Variants in NRP2 observed in about 807,000 individuals in gnomAD.
NRP2 encodes the protein neuropilin 2, also known as neuropilin-2.
NRP2 carries 52 observed loss-of-function variants against 110.4 expected under a neutral mutation model. The ratio of observed to expected loss-of-function variants is 0.47; its 90% CI spans 0.38 to 0.59. The LOEUF is 0.59. Among genes scored for constraint, NRP2 ranks in the 20% least tolerant of loss-of-function variants. The probability of loss-of-function intolerance (pLI) is 0.00; values close to 1 mark genes in which losing one functional copy is unlikely to be tolerated. For synonymous variants in NRP2, 508 were observed against 468.9 expected (o/e 1.08, Z -1.08); for missense variants, 1,049 against 1,203.0 (o/e 0.87, Z 1.89).
intron 11 of NRP2, chr2:205,752,557 G>A (rs1007654613): frequency 4.8e-5 from 22 of 456,470 alleles, no homozygotes; most frequent in Non-Finnish European, 8.5e-5. Context: ...GTGGACAGAA[G>A]AGGCTGATTA....
chr2:205,727,058 G>A (rs770719411), intron 6 of NRP2, among the ~76,000 whole-genome samples: 14 of 152,118 alleles, frequency 9.2e-5, no homozygotes, highest in African/African-American at 9.7e-5. Context: ...ATATACTTTC[G>A]CCTATTGCTA....
At chr2:205,766,648 G>C (rs1278561297) in intron 14 of NRP2, 135 bp from the exon 15 acceptor site, 1 of 757,174 alleles carries the variant, frequency 1.3e-6, no homozygotes, top group African/African-American at 1.7e-5. Context: ...AAGATGGGGG[G>C]CCCTCTCCAT....
rs548328240 is a variant in NRP2 at position 205,770,487 on chromosome 2, C to G, written c.2425+3684C>G. Among the ~76,000 whole-genome samples, 4 of 152,072 alleles carry G rather than the reference C, an allele frequency of 2.6e-5. No individual in the cohort carries two copies. The South Asian group carries it at 8.3e-4, about 32-fold the overall frequency. On this transcript the variant is annotated intron_variant, in intron 15 of 16. Transcript: ENST00000357785. Reference sequence around the variant, plus strand: ...GGCCAATCTCTGCATTTTGCACCCCCTTCTCTCCTTTCCCATTCCCACCCT... The same window carrying G: ...GGCCAATCTCTGCATTTTGCACCCCGTTCTCTCCTTTCCCATTCCCACCCT...
intron 2 of NRP2, among the ~76,000 whole-genome samples, chr2:205,710,502 G>C (rs2056774813): frequency 6.6e-6 from 1 of 152,168 alleles, no homozygotes; most frequent in Non-Finnish European, 1.5e-5. Context: ...TTAGTAAATG[G>C]GTGGTACAGA....
chr2:205,743,228 G>A lies in NRP2; in HGVS notation c.1317G>A (p.Gly439=), dbSNP rs1182353325. The stretch of plus-strand genomic sequence containing the variant: ...ATGCTCCCTGCTCCAACATGCTGGG[G>A]ATGCTCTCAGGCCTCATTGCAGACT... ...VTDAPCSNML[G]MLSGLIADSQ... Residue 439 remains glycine, a synonymous_variant, in exon 9 of 17, where the codon GGG becomes GGA. Coordinates refer to ENST00000357785, the MANE Select transcript of NRP2 (RefSeq NM_003872.3). 1 of 1,613,444 alleles carries A rather than the reference G, an allele frequency of 6.2e-7. No individual in the cohort carries two copies. The highest frequency in any genetic ancestry group is 2.2e-5 in the East Asian group (1 of 44,888).
At chr2:205,746,026 T>C in intron 10 of NRP2, 136 bp downstream of exon 10, 1 of 971,636 alleles carries the variant, frequency 1.0e-6, no homozygotes, top group Non-Finnish European at 1.6e-6. Flanking sequence ...TGCCATGTTC[T>C]CCTGCCTCAG....
rs1185774827 is a variant in NRP2, at chr2:205,749,853, T to C, written c.1903+12T>C. 10 of 1,603,316 alleles carry C rather than the reference T, an allele frequency of 6.2e-6. No homozygotes were observed. The highest frequency in any genetic ancestry group is 7.7e-6 in the Non-Finnish European group (9 of 1,170,730). On this transcript the variant is annotated intron_variant, in intron 11 of 16. Transcript: ENST00000357785. ...CAGCTTTGAGGATGGTAAGCACAAA[T>C]TGCCTCCAGATGGCATGGGTGCGGA...
chr2:205,753,029 T>A lies in NRP2; in HGVS notation c.2044+54T>A, dbSNP rs1408372941. On this transcript the variant is annotated intron_variant, in intron 12 of 16. Transcript: ENST00000357785. The stretch of plus-strand genomic sequence containing the variant: ...AGAGTTAAGGCCAGCTTGTTCCACA[T>A]ACTTCAACCCCAGATTCCCTTACAA... 8 of 1,606,964 alleles carry A rather than the reference T, an allele frequency of 5.0e-6. No individual in the cohort carries two copies. In the South Asian group the frequency reaches 6.6e-5, roughly 13 times the overall value.
intron 3 of NRP2, 198 bp from the exon 4 acceptor site, chr2:205,722,280 C>T (rs916305014): frequency 5.5e-5 from 33 of 604,368 alleles, no homozygotes; most frequent in Non-Finnish European, 8.9e-5. Flanking sequence ...TTATGTAGAG[C>T]AAGCCAGCTG....
Position 205,738,380 on chromosome 2 carries a change from CCAAAACAAAACAAAGCAAAG to C in NRP2, c.1147-2124_1147-2105del, listed in dbSNP as rs1377327189. On this transcript the variant is annotated intron_variant, in intron 7 of 16. Transcript: ENST00000357785. ...AAGTGCTGCATTTGCTTCTTCCTTT[CCAAAACAAAACAAAGCAAAG>C]CAAAACAAAACAAAACAGAAAGCCT... 7.9e-5 allele frequency among the ~76,000 whole-genome samples: 12 copies of C among 152,180 alleles called. No individual in the cohort carries two copies. The South Asian group carries it at 1.4e-3, about 18-fold the overall frequency.
At chr2:205,735,877 C>G (rs1347335281) in intron 7 of NRP2, among the ~76,000 whole-genome samples, 1 of 152,188 alleles carries the variant, frequency 6.6e-6, no homozygotes, top group Non-Finnish European at 1.5e-5. Flanking sequence ...CAGAGATGCA[C>G]TTGAAGAAAT....
In NRP2 at chr2:205,752,967, C is replaced by A. The variant is rs546006326; in HGVS notation, c.2036C>A (p.Thr679Lys). Residue 679 changes from threonine (T) to lysine (K), a missense_variant, in exon 12 of 17, where the codon ACG (threonine) becomes AAG (lysine). Physicochemically the swap from Thr to Lys is moderately conservative, Grantham distance 78. Transcript: ENST00000357785. ...AGCAGCTCCAGCCCAAACGACCGGA[C>A]GTTTCCAGGTAAGCCAGCTGTGAGT... ...WASSSSPNDRTFPDDRNFLRL... is the reference protein window; with the variant it reads ...WASSSSPNDRKFPDDRNFLRL... 1.2e-6 allele frequency: 2 copies of A among 1,613,324 alleles called. No individual in the cohort carries two copies. The highest frequency in any genetic ancestry group is 1.7e-5 in the Admixed American group (1 of 60,002).
chr2:205,717,991 G>A (rs1465396883), intron 3 of NRP2, among the ~76,000 whole-genome samples: 1 of 152,216 alleles, frequency 6.6e-6, no homozygotes, highest in Non-Finnish European at 1.5e-5. Flanking sequence ...GACATGTGGT[G>A]GTTATGAAAA....
chr2:205,707,627 AATGAT>A (rs1454409089), intron 2 of NRP2, among the ~76,000 whole-genome samples: 1 of 152,178 alleles, frequency 6.6e-6, no homozygotes, highest in Non-Finnish European at 1.5e-5. Context: ...GGAATAGAAA[AATGAT>A]ATGGAGCCTA....
At position 205,725,814 on chromosome 2, in the gene NRP2, G is replaced by A. The variant is rs2057116009; in HGVS notation, c.821-99G>A. Reference sequence around the variant, plus strand: ...ATTAGGGTCTTTTAAATGAGGAAGTGCCTGCAAGGACTTGTCCCTAGAAGG... The same window carrying A: ...ATTAGGGTCTTTTAAATGAGGAAGTACCTGCAAGGACTTGTCCCTAGAAGG... On this transcript the variant is annotated intron_variant, in intron 5 of 16. Coordinates refer to ENST00000357785, the MANE Select transcript of NRP2 (RefSeq NM_003872.3). The surrounding 1 kb of genome is among the most constrained non-coding windows in gnomAD (Gnocchi z 4.1). The A allele has an allele frequency of 2.5e-6, 3 of 1,196,626 alleles. No individual in the cohort carries two copies. The highest frequency in any genetic ancestry group is 3.7e-6 in the Non-Finnish European group (3 of 803,620). The allele number at this position is 1,196,626 out of a possible 1,614,324, so 74.1% of individuals were successfully genotyped here. A position where few individuals can be genotyped will look rare whatever the true frequency, so the allele number is the denominator to read the frequency against.
At position 205,743,340 on chromosome 2, in the gene NRP2, C is replaced by A; in HGVS notation, c.1429C>A (p.Arg477=). ...LVSSRSGWFP[R]IPQAQPGEEW... is the part of the protein sequence containing the mutation. Reference sequence around the variant, plus strand: ...TAGCAGCCGCTCGGGCTGGTTCCCTCGAATCCCTCAGGCCCAGCCCGGTGA... The same window carrying A: ...TAGCAGCCGCTCGGGCTGGTTCCCTAGAATCCCTCAGGCCCAGCCCGGTGA... Residue 477 remains arginine, a synonymous_variant, in exon 9 of 17, where the codon CGA becomes AGA. Transcript: ENST00000357785. 6.2e-7 allele frequency: 1 copy of A among 1,614,218 alleles called. No homozygotes were observed. The highest frequency in any genetic ancestry group is 8.5e-7 in the Non-Finnish European group (1 of 1,180,024).
At chr2:205,780,171 C>T (rs2058158164) in intron 15 of NRP2, among the ~76,000 whole-genome samples, 1 of 152,234 alleles carries the variant, frequency 6.6e-6, no homozygotes, top group Admixed American at 6.5e-5. Flanking sequence ...ATTACTTCCA[C>T]AGGGATGTGA....
intron 2 of NRP2, among the ~76,000 whole-genome samples, chr2:205,712,460 C>T (rs1040912807): frequency 1.4e-4 from 21 of 152,096 alleles, no homozygotes; most frequent in Non-Finnish European, 2.5e-4. Context: ...GTCTGTACCC[C>T]GGATTCCTTT....
chr2:205,788,091 C>T (rs1205432806), intron 15 of NRP2, among the ~76,000 whole-genome samples: 3 of 151,892 alleles, frequency 2.0e-5, no homozygotes, highest in Non-Finnish European at 1.5e-5. Flanking sequence ...AACTAGCCAC[C>T]CTGGTCTCTC....
Sources: gnomAD v4.1 joint callset for allele counts (sites outside exome capture counted in the v4.1 genomes callset) on GRCh38, gnomAD v4.1.1 for gene constraint, Gnocchi (gnomAD v3.1) non-coding constraint, MANE v1.5 for transcripts, NCBI Gene and HGNC (gene_info 2026-07-23, HGNC 2026-07-21) for gene names.